MAP4: variants seen among roughly 807,000 people sequenced by gnomAD.
The protein encoded by MAP4 is microtubule associated protein 4.
A neutral mutation model predicts 170.2 loss-of-function variants in MAP4; 76 were observed. That is an observed-to-expected ratio of 0.45 (90% confidence interval 0.37 to 0.54). MAP4 has a LOEUF of 0.54. Ranked by LOEUF, MAP4 falls within the 20% of genes least tolerant of loss-of-function variation. MAP4 has a pLI of 0.00. For synonymous variants in MAP4, 909 were observed against 994.5 expected, an observed-to-expected ratio of 0.91 and a Z score of 1.62; for missense variants, 2,506 against 2,748.0, an observed-to-expected ratio of 0.91 and a Z score of 1.97.
chr3:47,905,545 C>A (rs1299922230), intron 9 of MAP4, among the ~76,000 whole-genome samples: 344 of 129,398 alleles, frequency 2.7e-3, no homozygotes, highest in South Asian at 0.014. Context: ...ACAACAACAA[C>A]AAAAAAAAAA....
intron 3 of MAP4, among the ~76,000 whole-genome samples, chr3:47,942,890 G>A (rs1213433753): frequency 1.3e-5 from 2 of 152,060 alleles, no homozygotes; most frequent in African/African-American, 2.4e-5. Context: ...CAGGAGGATC[G>A]CCTGAGCCCA....
intron 17 of MAP4, among the ~76,000 whole-genome samples, chr3:47,857,750 C>T (rs190392925): frequency 7.9e-5 from 12 of 152,114 alleles, no homozygotes. Flanking sequence ...GCTCTGTTGC[C>T]CAGGCTGGAG....
At chr3:47,952,083 C>T (rs1289965983) in intron 3 of MAP4, among the ~76,000 whole-genome samples, 15 of 150,054 alleles carry the variant, frequency 1.0e-4, no homozygotes, top group South Asian at 8.5e-4. Context: ...CCGGCCGCCC[C>T]GTCTGAGAAG....
intron 1 of MAP4, among the ~76,000 whole-genome samples, chr3:48,057,799 G>C (rs1458073289): frequency 3.3e-5 from 5 of 152,108 alleles, no homozygotes; most frequent in Admixed American, 6.5e-5. Context: ...CCATGATTCT[G>C]CAAGAAATTT....
chr3:47,948,656 C>T (rs1230290665), intron 3 of MAP4, among the ~76,000 whole-genome samples: 2 of 151,570 alleles, frequency 1.3e-5, no homozygotes, highest in African/African-American at 4.9e-5. Context: ...GAGTCTCGCT[C>T]TGTTGCCCAG....
chr3:48,013,044 T>C (rs1315174256), intron 1 of MAP4, among the ~76,000 whole-genome samples: 1 of 152,160 alleles, frequency 6.6e-6, no homozygotes, highest in Non-Finnish European at 1.5e-5. Flanking sequence ...TATTTTATTC[T>C]GAAACATGTA....
At chr3:48,084,854 G>T (rs1208192992) in intron 1 of MAP4, among the ~76,000 whole-genome samples, 6 of 151,590 alleles carry the variant, frequency 4.0e-5, no homozygotes, top group African/African-American at 1.5e-4. Context: ...TGTTATCCAG[G>T]CTGGTATCAA....
intron 3 of MAP4, among the ~76,000 whole-genome samples, chr3:47,950,137 C>G (rs2100062767): frequency 6.6e-6 from 1 of 152,220 alleles, no homozygotes; most frequent in Non-Finnish European, 1.5e-5. Context: ...TTCTTTCATA[C>G]TCTGCCTCAG....
At chr3:48,017,040 A>G (rs922947602), upstream of MAP4, among the ~76,000 whole-genome samples, 19 of 151,948 alleles carry the variant, frequency 1.3e-4, 1 homozygote, top group Middle Eastern at 3.2e-3. Context: ...TGGCCTCCCA[A>G]AGTGCTGGGA....
At chr3:47,986,528 G>A (rs1271764509) in intron 2 of MAP4, among the ~76,000 whole-genome samples, 1 of 151,492 alleles carries the variant, frequency 6.6e-6, no homozygotes, top group Non-Finnish European at 1.5e-5. Flanking sequence ...TTTAGTAGAG[G>A]CGGGGTTTTG....
intron 3 of MAP4, among the ~76,000 whole-genome samples, chr3:47,943,030 C>T (rs1429208699): frequency 6.6e-6 from 1 of 152,080 alleles, no homozygotes; most frequent in East Asian, 1.9e-4. Context: ...GGGAGGATTG[C>T]TTGAGCCAGG....
At chr3:47,915,493 A>C (rs2100038260) in intron 7 of MAP4, among the ~76,000 whole-genome samples, 1 of 152,168 alleles carries the variant, frequency 6.6e-6, no homozygotes, top group Admixed American at 6.5e-5. Flanking sequence ...AAAAAGATTT[A>C]AATTGGTATG....
chr3:48,053,404 AAAC>A (rs1339502278), intron 1 of MAP4, among the ~76,000 whole-genome samples: 2 of 152,246 alleles, frequency 1.3e-5, no homozygotes, highest in African/African-American at 4.8e-5. Flanking sequence ...CTCCAAGAAC[AAAC>A]AAGAAAGCCA....
At chr3:48,033,970 C>A (rs2100117498) in intron 1 of MAP4, among the ~76,000 whole-genome samples, 1 of 152,318 alleles carries the variant, frequency 6.6e-6, no homozygotes, top group South Asian at 2.1e-4. Flanking sequence ...GTTAATTAAT[C>A]ACATCTGAAG....
At chr3:47,903,401 T>C (rs1335245048) in intron 9 of MAP4, among the ~76,000 whole-genome samples, 3 of 152,042 alleles carry the variant, frequency 2.0e-5, no homozygotes, top group East Asian at 1.9e-4. Flanking sequence ...GGCATAGTGG[T>C]GGGCGCCTGT....
At chr3:48,029,666 G>A (rs1269795105) in intron 1 of MAP4, among the ~76,000 whole-genome samples, 3 of 152,066 alleles carry the variant, frequency 2.0e-5, no homozygotes, top group Non-Finnish European at 4.4e-5. Flanking sequence ...GATCTTACAT[G>A]ATATTTTAAG....
At chr3:48,049,151 A>G (rs1380993132) in intron 1 of MAP4, among the ~76,000 whole-genome samples, 1 of 152,164 alleles carries the variant, frequency 6.6e-6, no homozygotes, top group Non-Finnish European at 1.5e-5. Flanking sequence ...TATGGATGTC[A>G]TATGTTTTGC....
intron 3 of MAP4, 25 bp downstream of exon 3, chr3:47,977,840 T>A: frequency 6.5e-7 from 1 of 1,547,152 alleles, no homozygotes; most frequent in Non-Finnish European, 8.9e-7. Context: ...ACCTACACAT[T>A]TGGGGAATCC....
At chr3:47,858,844 C>T (rs2061023910) in intron 17 of MAP4, among the ~76,000 whole-genome samples, 1 of 151,878 alleles carries the variant, frequency 6.6e-6, no homozygotes, top group African/African-American at 2.4e-5. Context: ...GGTGGTGCAC[C>T]TTGGCTGGGC....
Sources: gnomAD v4.1 joint callset for allele counts (sites outside exome capture counted in the v4.1 genomes callset) on GRCh38, gnomAD v4.1.1 for gene constraint, MANE v1.5 for transcripts, NCBI Gene and HGNC (gene_info 2026-07-23, HGNC 2026-07-21) for gene names.